The following EFCAB11 variants were observed in gnomAD, a reference collection of about 807,000 sequenced individuals.
EFCAB11 encodes the protein EF-hand calcium binding domain 11.
In EFCAB11, 14 loss-of-function variants were observed where a neutral mutation model predicts 23.0. The ratio of observed to expected loss-of-function variants is 0.61; its 90% CI spans 0.40 to 0.95. The LOEUF (loss-of-function observed/expected upper bound fraction) is 0.95. Ranked by LOEUF, EFCAB11 falls within the 40% of genes least tolerant of loss-of-function variation. The pLI is 0.00. For missense variants in EFCAB11, 198 were observed against 195.8 expected (o/e 1.01, Z -0.07); for synonymous variants, 65 against 66.6 (o/e 0.98, Z 0.11).
chr14:89,817,067 A>G (rs1886357999), intron 5 of EFCAB11, among the ~76,000 whole-genome samples: 1 of 152,148 alleles, frequency 6.6e-6, no homozygotes, highest in Non-Finnish European at 1.5e-5. Flanking sequence ...AAATGAAAAT[A>G]GGCAATACTT....
At chr14:89,828,336 G>A (rs183304475) in intron 5 of EFCAB11, among the ~76,000 whole-genome samples, 16 of 152,292 alleles carry the variant, frequency 1.1e-4, no homozygotes, top group African/African-American at 3.1e-4. Flanking sequence ...ATTATTAGCT[G>A]ATTAGAGCAA....
At chr14:89,858,113 C>T (rs1376164337) in intron 5 of EFCAB11, among the ~76,000 whole-genome samples, 1 of 152,176 alleles carries the variant, frequency 6.6e-6, no homozygotes, top group South Asian at 2.1e-4. Flanking sequence ...GACAGCCTTT[C>T]CCCTAAACGT....
chr14:89,905,519 C>T (rs1335803802), intron 5 of EFCAB11, among the ~76,000 whole-genome samples: 2 of 152,140 alleles, frequency 1.3e-5, no homozygotes, highest in Non-Finnish European at 2.9e-5. Flanking sequence ...CTGATCAAAA[C>T]ACATCTTTCA....
chr14:89,898,170 C>A (rs756642733), intron 5 of EFCAB11, among the ~76,000 whole-genome samples: 1 of 152,172 alleles, frequency 6.6e-6, no homozygotes, highest in Non-Finnish European at 1.5e-5. Context: ...CTATTCCATG[C>A]CCACATTCAC....
At chr14:89,907,998 A>G (rs1019275902) in intron 5 of EFCAB11, among the ~76,000 whole-genome samples, 9 of 152,224 alleles carry the variant, frequency 5.9e-5, no homozygotes, top group Non-Finnish European at 1.0e-4. Context: ...GATATCAGCT[A>G]GCTATTTTTA....
intron 5 of EFCAB11, among the ~76,000 whole-genome samples, chr14:89,909,582 A>AAAAAC (rs1889605108): frequency 1.3e-5 from 2 of 152,124 alleles, no homozygotes; most frequent in African/African-American, 2.4e-5. Context: ...CTCTGTCTCA[A>AAAAAC]AAAACAAAAC....
intron 5 of EFCAB11, among the ~76,000 whole-genome samples, chr14:89,902,589 C>T (rs902399836): frequency 2.0e-5 from 3 of 152,030 alleles, no homozygotes; most frequent in Non-Finnish European, 4.4e-5. Context: ...AAATGTGTTC[C>T]CTATTTTATC....
intron 5 of EFCAB11, among the ~76,000 whole-genome samples, chr14:89,866,578 C>T (rs1448396027): frequency 6.6e-6 from 1 of 152,316 alleles, no homozygotes; most frequent in East Asian, 1.9e-4. Context: ...CACCATGCGT[C>T]TTGCCTAAAA....
At chr14:89,934,698 T>C (rs1378861477) in intron 3 of EFCAB11, among the ~76,000 whole-genome samples, 1 of 152,196 alleles carries the variant, frequency 6.6e-6, no homozygotes, top group Non-Finnish European at 1.5e-5. Context: ...TCCATTCTTA[T>C]CTAATTACCC....
At chr14:89,840,555 T>C (rs986245945) in intron 5 of EFCAB11, among the ~76,000 whole-genome samples, 1 of 152,238 alleles carries the variant, frequency 6.6e-6, no homozygotes, top group Non-Finnish European at 1.5e-5. Flanking sequence ...TGTTGGCTTA[T>C]GAATCTGGAA....
At chr14:89,905,474 G>T (rs1262898816) in intron 5 of EFCAB11, among the ~76,000 whole-genome samples, 1 of 152,148 alleles carries the variant, frequency 6.6e-6, no homozygotes, top group Non-Finnish European at 1.5e-5. Context: ...ACTGTCACAA[G>T]CATTGAAAAG....
At chr14:89,892,194 C>T in intron 5 of EFCAB11, 2 of 1,586,982 alleles carry the variant, frequency 1.3e-6, no homozygotes, top group East Asian at 2.3e-5. Context: ...CTGCAGAGCA[C>T]CCGCTGTGTC....
intron 5 of EFCAB11, among the ~76,000 whole-genome samples, chr14:89,801,082 TG>T (rs1250312711): frequency 6.7e-6 from 1 of 149,850 alleles, no homozygotes; most frequent in Non-Finnish European, 1.5e-5. Flanking sequence ...CTGTATTACT[TG>T]GTATGAACAA....
chr14:89,923,651 A>G, intron 5 of EFCAB11: 1 of 980,474 alleles, frequency 1.0e-6, no homozygotes, highest in Non-Finnish European at 1.2e-6. Context: ...ATGTTTCTAT[A>G]CCTGGAAGCA....
intron 5 of EFCAB11, among the ~76,000 whole-genome samples, chr14:89,809,958 T>G (rs1203399626): frequency 6.6e-6 from 1 of 152,236 alleles, no homozygotes; most frequent in Non-Finnish European, 1.5e-5. Flanking sequence ...TTTAGGACCC[T>G]AATAATGATG....
At chr14:89,894,312 A>C (rs1264149615) in intron 5 of EFCAB11, among the ~76,000 whole-genome samples, 1 of 151,552 alleles carries the variant, frequency 6.6e-6, no homozygotes, top group Non-Finnish European at 1.5e-5. Context: ...GGTTTGTTAC[A>C]TAGGTATACA....
At chr14:89,815,119 AGAC>A (rs953811659) in intron 5 of EFCAB11, among the ~76,000 whole-genome samples, 1 of 152,202 alleles carries the variant, frequency 6.6e-6, no homozygotes, top group Non-Finnish European at 1.5e-5. Flanking sequence ...GGGCTGAATA[AGAC>A]GTGAAGATCT....
intron 5 of EFCAB11, among the ~76,000 whole-genome samples, chr14:89,828,775 C>T (rs1219265158): frequency 6.6e-6 from 1 of 152,100 alleles, no homozygotes. Context: ...TAATAAGAAG[C>T]AGTTCAGCTT....
chr14:89,944,204 G>A (rs1188070443), intron 3 of EFCAB11, among the ~76,000 whole-genome samples: 1 of 152,192 alleles, frequency 6.6e-6, no homozygotes, highest in Non-Finnish European at 1.5e-5. Context: ...ATAGCGGAAG[G>A]CAAAGAGGAG....
Sources: gnomAD v4.1 joint callset for allele counts (sites outside exome capture counted in the v4.1 genomes callset) on GRCh38, gnomAD v4.1.1 for gene constraint, MANE v1.5 for transcripts, NCBI Gene and HGNC (gene_info 2026-07-23, HGNC 2026-07-21) for gene names.